Variants in CRPPA observed in about 807,000 individuals in gnomAD.
CRPPA encodes the protein CDP-L-ribitol pyrophosphorylase A, also known as D-ribitol-5-phosphate cytidylyltransferase.
A neutral mutation model predicts 52.0 loss-of-function variants in CRPPA; 43 were observed. The observed-to-expected ratio is 0.83, with a 90% CI of 0.65 to 1.07. The LOEUF is 1.07. Among genes scored for constraint, CRPPA ranks in the 50% least tolerant of loss-of-function variants. The probability of loss-of-function intolerance (pLI) is 0.00; values close to 1 mark genes in which losing one functional copy is unlikely to be tolerated. For missense variants in CRPPA, 629 were observed against 551.7 expected (o/e 1.14, Z -1.40); for synonymous variants, 250 against 203.5 (o/e 1.23, Z -1.94).
chr7:16,405,978 A>C (rs945262529), intron 2 of CRPPA, 83 bp downstream of exon 2: 32 of 1,264,276 alleles, frequency 2.5e-5, no homozygotes, highest in African/African-American at 6.0e-5. Flanking sequence ...TTTGACATTT[A>C]AACAGAATTG....
At position 16,216,234 on chromosome 7, in the gene CRPPA, C is replaced by G. The variant is rs776460105; in HGVS notation, c.1120-37G>C. On this transcript the variant is annotated intron_variant, in intron 8 of 9. Coordinates refer to ENST00000407010, the MANE Select transcript of CRPPA (RefSeq NM_001101426.4). ...AAAAGACAGTATTTAGAATATCATTCCCTTCAACTTTCTCTGGAGGGAAAA... is the reference window on the plus strand; with the variant it reads ...AAAAGACAGTATTTAGAATATCATTGCCTTCAACTTTCTCTGGAGGGAAAA... 3.6e-6 allele frequency: 5 copies of G among 1,373,712 alleles called. No homozygotes were observed. The African/African-American group carries it at 5.9e-5, about 16-fold the overall frequency. The allele number at this position is 1,373,712 out of a possible 1,614,324, so 85.1% of individuals were successfully genotyped here.
At chr7:16,228,808 A>T (rs533399026) in intron 8 of CRPPA, among the ~76,000 whole-genome samples, 1 of 151,954 alleles carries the variant, frequency 6.6e-6, no homozygotes, top group Admixed American at 6.6e-5. Flanking sequence ...TATGTCTGTT[A>T]TGTCTATTTG....
chr7:16,277,608 AG>A (rs1278359219), intron 6 of CRPPA, among the ~76,000 whole-genome samples: 1 of 152,210 alleles, frequency 6.6e-6, no homozygotes, highest in Non-Finnish European at 1.5e-5. Context: ...AATTATAAAG[AG>A]TTCCTATAGA....
chr7:16,316,375 C>A (rs1488117280), intron 3 of CRPPA, among the ~76,000 whole-genome samples: 1 of 151,930 alleles, frequency 6.6e-6, no homozygotes, highest in Non-Finnish European at 1.5e-5. Flanking sequence ...TTACTTCTTG[C>A]CCAAAAAAGT....
intron 5 of CRPPA, among the ~76,000 whole-genome samples, chr7:16,299,236 C>T (rs995160084): frequency 3.3e-5 from 5 of 152,058 alleles, no homozygotes; most frequent in African/African-American, 1.2e-4. Context: ...CCCAGAGAGG[C>T]ATTTCTACTA....
chr7:16,407,470 G>A (rs1018106869), intron 1 of CRPPA, among the ~76,000 whole-genome samples: 2 of 152,158 alleles, frequency 1.3e-5, no homozygotes, highest in Non-Finnish European at 2.9e-5. Context: ...CCCATGATAC[G>A]AATTCTGAAC....
intron 9 of CRPPA, among the ~76,000 whole-genome samples, chr7:16,124,647 A>C (rs1782541393): frequency 6.6e-6 from 1 of 152,170 alleles, no homozygotes; most frequent in African/African-American, 2.4e-5. Flanking sequence ...GTTCTATAGC[A>C]CTACAGGGTA....
At chr7:16,362,812 A>G (rs1368140006) in intron 3 of CRPPA, among the ~76,000 whole-genome samples, 2 of 152,024 alleles carry the variant, frequency 1.3e-5, no homozygotes, top group Non-Finnish European at 2.9e-5. Flanking sequence ...TTAACTCGAG[A>G]TATATTTATT....
chr7:16,115,731 A>G (rs747288234), intron 9 of CRPPA, among the ~76,000 whole-genome samples: 1 of 152,240 alleles, frequency 6.6e-6, no homozygotes, highest in Non-Finnish European at 1.5e-5. Flanking sequence ...TGATGAGAAC[A>G]TTGTGAAGGA....
intron 6 of CRPPA, among the ~76,000 whole-genome samples, 185 bp downstream of exon 6, chr7:16,277,944 T>G (rs1784243055): frequency 6.6e-6 from 1 of 152,052 alleles, no homozygotes; most frequent in African/African-American, 2.4e-5. Context: ...ACAAAAGGAA[T>G]GAAAAGGGGG....
intron 5 of CRPPA, among the ~76,000 whole-genome samples, chr7:16,279,110 A>T (rs1443355511): frequency 1.3e-5 from 2 of 152,190 alleles, no homozygotes; most frequent in South Asian, 2.1e-4. Context: ...ATCATGGATA[A>T]AGAAAACAAA....
intron 8 of CRPPA, among the ~76,000 whole-genome samples, chr7:16,223,791 C>A (rs1295088784): frequency 6.6e-6 from 1 of 152,128 alleles, no homozygotes. Flanking sequence ...AAACTTACAG[C>A]CTGGACAGGC....
At chr7:16,399,288 G>A (rs1787722764) in intron 2 of CRPPA, among the ~76,000 whole-genome samples, 1 of 152,290 alleles carries the variant, frequency 6.6e-6, no homozygotes, top group East Asian at 1.9e-4. Flanking sequence ...ACATACGATT[G>A]ACGTGTGATC....
chr7:16,321,543 C>T (rs576726330), intron 3 of CRPPA, among the ~76,000 whole-genome samples: 1 of 152,136 alleles, frequency 6.6e-6, no homozygotes, highest in East Asian at 1.9e-4. Context: ...TGCTGTTGGC[C>T]ATAATCTCAC....
At chr7:16,391,585 T>C (rs1273489919) in intron 2 of CRPPA, among the ~76,000 whole-genome samples, 2 of 152,182 alleles carry the variant, frequency 1.3e-5, no homozygotes, top group East Asian at 3.9e-4. Context: ...TTAATTCAAC[T>C]TAAATAACGC....
intron 9 of CRPPA, among the ~76,000 whole-genome samples, chr7:16,100,445 G>C (rs1459029235): frequency 2.0e-5 from 3 of 152,076 alleles, no homozygotes; most frequent in Non-Finnish European, 4.4e-5. Context: ...GTCCACAGTA[G>C]GCACTCGGTA....
intron 2 of CRPPA, among the ~76,000 whole-genome samples, chr7:16,399,345 C>T (rs1583579447): frequency 6.6e-6 from 1 of 151,926 alleles, no homozygotes; most frequent in African/African-American, 2.4e-5. Flanking sequence ...GTGATTGACA[C>T]ATGACTGACA....
intron 2 of CRPPA, among the ~76,000 whole-genome samples, chr7:16,388,899 C>T (rs921968087): frequency 6.6e-6 from 1 of 151,748 alleles, no homozygotes; most frequent in Non-Finnish European, 1.5e-5. Flanking sequence ...CAGTTCACAA[C>T]CTTTGACGAA....
chr7:16,421,282 G>A lies in CRPPA; in HGVS notation c.41C>T (p.Pro14Leu), dbSNP rs1313162774. 11 of 1,278,260 alleles carry A rather than the reference G, an allele frequency of 8.6e-6. No individual in the cohort carries two copies. The highest frequency in any genetic ancestry group is 4.7e-5 in the African/African-American group (3 of 64,406). 79.2% of individuals were successfully genotyped at this position (1,278,260 alleles called of 1,614,324 possible). ...GPPGSARPAE[P>L]GPCLSGQRGA... is the part of the protein sequence containing the mutation. ...GCGCTGACCACTCAGGCAAGGACCC[G>A]GCTCCGCCGGCCTGGCGCTGCCCGG... The change falls in exon 1 of 10, where the codon CCG becomes CTG. Residue 14 changes from proline to leucine, a missense_variant. Transcript: ENST00000407010.
Sources: gnomAD v4.1 joint callset for allele counts (sites outside exome capture counted in the v4.1 genomes callset) on GRCh38, gnomAD v4.1.1 for gene constraint, MANE v1.5 for transcripts, NCBI Gene and HGNC (gene_info 2026-07-23, HGNC 2026-07-21) for gene names.